Variants in ARNT observed in about 807,000 individuals in gnomAD.
ARNT encodes class E basic helix-loop-helix protein 2.
ARNT carries 30 observed loss-of-function variants against 105.0 expected under a neutral mutation model. The ratio of observed to expected loss-of-function variants is 0.29; its 90% CI spans 0.21 to 0.39. ARNT has a LOEUF of 0.39. Ranked by LOEUF, ARNT falls within the 10% of genes least tolerant of loss-of-function variation. The probability of loss-of-function intolerance (pLI) is 1.00; values close to 1 mark genes in which losing one functional copy is unlikely to be tolerated. For synonymous variants in ARNT, 304 were observed against 344.0 expected, an observed-to-expected ratio of 0.88 and a Z score of 1.29; for missense variants, 748 against 978.7, an observed-to-expected ratio of 0.76 and a Z score of 3.15.
At chr1:150,817,047 TG>T (rs753136169) in intron 17 of ARNT, 34 bp downstream of exon 17, 57 of 1,613,628 alleles carry the variant, frequency 3.5e-5, no homozygotes, top group Non-Finnish European at 4.7e-5. Flanking sequence ...GTGATCTAAA[TG>T]AGAATTTAAA....
Position 150,811,650 on chromosome 1 carries a change from T to G in ARNT, c.*371A>C. The stretch of plus-strand genomic sequence containing the variant: ...TCTCCTCCACTCTCTTCAGAATTTC[T>G]TTCCAAAAACAAGCCATACTATCCA... On this transcript the variant is annotated 3_prime_UTR_variant, in exon 22 of 22. Transcript: ENST00000358595. The G allele has an allele frequency of 4.2e-6, 1 of 236,864 alleles. No individual in the cohort carries two copies. Among genetic ancestry groups the G allele is most frequent in the Non-Finnish European group, 8.3e-6 (1 of 120,576 alleles). The allele number at this position is 236,864 out of a possible 1,614,324, so 14.7% of individuals were successfully genotyped here.
At chr1:150,870,932 C>T (rs370607438) in intron 1 of ARNT, among the ~76,000 whole-genome samples, 1 of 151,390 alleles carries the variant, frequency 6.6e-6, no homozygotes, top group Non-Finnish European at 1.5e-5. Flanking sequence ...TCTGGGAGGC[C>T]GAGGCAGGAG....
intron 14 of ARNT, among the ~76,000 whole-genome samples, chr1:150,821,005 A>C (rs1571210377): frequency 1.3e-5 from 2 of 152,254 alleles, no homozygotes; most frequent in African/African-American, 4.8e-5. Flanking sequence ...TAACATAAGC[A>C]GTTGAACACG....
At chr1:150,822,634 C>CA (rs1260075023) in intron 14 of ARNT, among the ~76,000 whole-genome samples, 1 of 152,044 alleles carries the variant, frequency 6.6e-6, no homozygotes, top group Non-Finnish European at 1.5e-5. Flanking sequence ...TACAAAGTAT[C>CA]CTTTGTAATA....
intron 7 of ARNT, 134 bp downstream of exon 7, chr1:150,836,146 T>C (rs776810112): frequency 7.5e-5 from 56 of 743,786 alleles, no homozygotes; most frequent in Non-Finnish European, 1.1e-4. Context: ...GAACTGACTA[T>C]ATTCATTAAA....
At chr1:150,860,761 C>T (rs587693607) in intron 1 of ARNT, among the ~76,000 whole-genome samples, 2 of 151,536 alleles carry the variant, frequency 1.3e-5, no homozygotes, top group East Asian at 4.0e-4. Flanking sequence ...GAAGCTGAGG[C>T]AGGGAGAATT....
intron 2 of ARNT, among the ~76,000 whole-genome samples, chr1:150,857,166 T>C (rs1664772126): frequency 6.6e-6 from 1 of 152,220 alleles, no homozygotes; most frequent in Non-Finnish European, 1.5e-5. Flanking sequence ...ACTATAATAC[T>C]GTAACCTTTC....
rs768757898 is a variant in ARNT at position 150,844,409 on chromosome 1, T to G, written c.227+1854A>C. On this transcript the variant is annotated intron_variant, in intron 4 of 21. Coordinates refer to ENST00000358595, the MANE Select transcript of ARNT (RefSeq NM_001668.4). ...AGAAATATCCCTACAATGCATTTTA[T>G]GTAATACCCTCTAATTCAAAGCCTG... Among the ~76,000 whole-genome samples, 12 of 152,144 alleles carry G rather than the reference T, an allele frequency of 7.9e-5. 1 individual carries two copies. The highest frequency in any genetic ancestry group is 1.8e-4 in the Non-Finnish European group (12 of 68,032).
chr1:150,833,469 G>T (rs1010747771), intron 8 of ARNT, among the ~76,000 whole-genome samples: 3 of 152,178 alleles, frequency 2.0e-5, no homozygotes, highest in East Asian at 1.9e-4. Context: ...TCCAGCCTGG[G>T]CAACAGAGCA....
intron 1 of ARNT, among the ~76,000 whole-genome samples, chr1:150,870,714 G>A (rs773003767): frequency 2.0e-5 from 3 of 151,886 alleles, no homozygotes; most frequent in Non-Finnish European, 4.4e-5. Flanking sequence ...TCACCACGTT[G>A]CCCAGGCTGG....
At chr1:150,820,838 T>C (rs947232792) in intron 14 of ARNT, among the ~76,000 whole-genome samples, 5 of 152,168 alleles carry the variant, frequency 3.3e-5, no homozygotes, top group South Asian at 2.1e-4. Flanking sequence ...AATCCCAACA[T>C]TGGAAAATGC....
intron 13 of ARNT, among the ~76,000 whole-genome samples, chr1:150,825,920 C>G (rs1488913438): frequency 6.9e-6 from 1 of 144,906 alleles, no homozygotes; most frequent in Non-Finnish European, 1.5e-5. Context: ...TCTTTTTTAT[C>G]TTTTTTTTTT....
chr1:150,850,283 C>CCCACGGTCTCCCTCTCCCTCTCTTT (rs1387397082), intron 3 of ARNT, among the ~76,000 whole-genome samples: 2 of 151,952 alleles, frequency 1.3e-5, no homozygotes, highest in Non-Finnish European at 2.9e-5. Flanking sequence ...TCTCCCTCTC[C>CCCACGGTCTCCCTCTCCCTCTCTTT]CCACGGTCTC....
At chr1:150,847,424 T>C (rs1437817225) in intron 3 of ARNT, among the ~76,000 whole-genome samples, 1 of 4,444 alleles carries the variant, frequency 2.3e-4, no homozygotes, top group African/African-American at 8.2e-4. Flanking sequence ...AGACTCCGTC[T>C]CAAAAAAAAA....
At chr1:150,861,204 G>T in intron 1 of ARNT, 1 of 310,394 alleles carries the variant, frequency 3.2e-6, no homozygotes, top group South Asian at 2.4e-5. Flanking sequence ...GTATGGAGAT[G>T]CCTCCAAAAA....
rs780569270 is a variant in ARNT, at chr1:150,823,165, G to A, written c.1394+29C>T. On this transcript the variant is annotated intron_variant, in intron 14 of 21. Transcript: ENST00000358595. ...CTGTTGTGAGAACAGAGGAAAAACA[G>A]TTTTTTCACACTCCTGTATAATACA... 4 of 1,501,348 alleles carry A rather than the reference G, an allele frequency of 2.7e-6. No individual in the cohort carries two copies. The South Asian group carries it at 4.2e-5, about 16-fold the overall frequency. The allele number at this position is 1,501,348 out of a possible 1,614,324, so 93.0% of individuals were successfully genotyped here.
intron 19 of ARNT, among the ~76,000 whole-genome samples, chr1:150,815,764 T>A (rs78903791): frequency 0.061 from 8,956 of 148,028 alleles, 918 homozygotes; most frequent in African/African-American, 0.21. Flanking sequence ...CTTGGAAGGC[T>A]GAGGCAGGAG....
At chr1:150,843,882 G>A (rs587654406) in intron 4 of ARNT, among the ~76,000 whole-genome samples, 1 of 152,130 alleles carries the variant, frequency 6.6e-6, no homozygotes, top group East Asian at 1.9e-4. Flanking sequence ...CACATCATAT[G>A]AATGAATTCT....
intron 11 of ARNT, 90 bp downstream of exon 11, chr1:150,829,814 A>G: frequency 2.2e-6 from 3 of 1,370,984 alleles, no homozygotes; most frequent in Non-Finnish European, 3.1e-6. Flanking sequence ...CTTCATTTGT[A>G]TTCAGAAAGT....
Sources: gnomAD v4.1 joint callset for allele counts (sites outside exome capture counted in the v4.1 genomes callset) on GRCh38, gnomAD v4.1.1 for gene constraint, MANE v1.5 for transcripts, NCBI Gene and HGNC (gene_info 2026-07-23, HGNC 2026-07-21) for gene names.